Variants in BCL3 observed in about 807,000 individuals in gnomAD.
BCL3 encodes the protein B-cell lymphoma 3 protein.
Under a neutral mutation model 35.7 loss-of-function variants are expected in BCL3, and 15 were observed. That is an observed-to-expected ratio of 0.42 (90% CI 0.28 to 0.65). BCL3 has a LOEUF of 0.65. Among genes scored for constraint, BCL3 ranks in the 30% least tolerant of loss-of-function variants. The probability of loss-of-function intolerance (pLI) is 0.22; values close to 1 mark genes in which losing one functional copy is unlikely to be tolerated. For synonymous variants in BCL3, 311 were observed against 284.3 expected, an observed-to-expected ratio of 1.09 and a Z score of -0.95; for missense variants, 565 against 641.7, an observed-to-expected ratio of 0.88 and a Z score of 1.29.
Position 44,748,757 on chromosome 19 carries a change from C to T in BCL3, c.-34C>T. The stretch of plus-strand genomic sequence containing the variant: ...AACCACCCTCCCGTGCAGCCGAGCC[C>T]AGCCGCTCTCCGGCCGCCGTCCCCG... On this transcript the variant is annotated 5_prime_UTR_variant, in exon 1 of 9. Transcript: ENST00000164227. 5.5e-6 allele frequency: 6 copies of T among 1,091,016 alleles called. No homozygotes were observed. The highest frequency in any genetic ancestry group is 6.7e-6 in the Non-Finnish European group (6 of 898,106). The allele number at this position is 1,091,016 out of a possible 1,614,324, so 67.6% of individuals were successfully genotyped here. A position where few individuals can be genotyped will look rare whatever the true frequency, so the allele number is the denominator to read the frequency against.
chr19:44,749,177 C>T (rs1967127700), intron 1 of BCL3, 131 bp downstream of exon 1: 1 of 374,078 alleles, frequency 2.7e-6, no homozygotes, highest in Middle Eastern at 8.1e-4. Context: ...GATATAAGCC[C>T]AGGTTCCAAG....
rs1967173965 is a variant in BCL3 at position 44,751,280 on chromosome 19, G to C, written c.310G>C (p.Val104Leu). The change falls in exon 2 of 9, where the codon GTG becomes CTG. Residue 104 changes from valine (V) to leucine (L), a missense_variant. This residue lies in a region of BCL3 where 267 missense variants were observed against 281.5 expected (regional missense o/e 0.95). Transcript: ENST00000164227. ...TRAMGSPFPL[V>L]NLPTPLYPMM... ...GGCCATGGGCTCCCCGTTTCCTCTG[G>C]TGAACCTGCCTACACCCCTATACCC... 1 of 1,611,112 alleles carries C rather than the reference G, an allele frequency of 6.2e-7. No homozygotes were observed. Among genetic ancestry groups the C allele is most frequent in the African/African-American group, 1.3e-5 (1 of 74,720 alleles).
At chr19:44,756,527 G>A (rs1361625647) in intron 3 of BCL3, among the ~76,000 whole-genome samples, 187 bp downstream of exon 3, 1 of 141,550 alleles carries the variant, frequency 7.1e-6, no homozygotes, top group East Asian at 2.1e-4. Context: ...CCTGGGATCC[G>A]GGGTCTGATG....
Position 44,759,717 on chromosome 19 carries a change from C to T in BCL3, c.*102C>T, listed in dbSNP as rs1036713493. On this transcript the variant is annotated 3_prime_UTR_variant, in exon 9 of 9. Transcript: ENST00000164227. ...TGAAGATCTCACTCTGCCCCCCCCC[C>T]CCATCTTCGGGACCAGGATTTGCAC... The T allele has an allele frequency of 1.6e-6, 1 of 634,604 alleles. No individual in the cohort carries two copies. Among genetic ancestry groups the T allele is most frequent in the Admixed American group, 3.2e-5 (1 of 30,800 alleles). 39.3% of individuals were successfully genotyped at this position (634,604 alleles called of 1,614,324 possible). A position where few individuals can be genotyped will look rare whatever the true frequency, so the allele number is the denominator to read the frequency against.
At chr19:44,751,865 A>G (rs1165769791) in intron 2 of BCL3, among the ~76,000 whole-genome samples, 1 of 152,240 alleles carries the variant, frequency 6.6e-6, no homozygotes, top group Non-Finnish European at 1.5e-5. Flanking sequence ...GGCCTCCCAA[A>G]GTGCTGGGAT....
chr19:44,756,423 G>T, intron 3 of BCL3, 83 bp downstream of exon 3: 1 of 1,023,396 alleles, frequency 9.8e-7, no homozygotes. Context: ...GAACTCCTGG[G>T]TCTGAGGGAG....
chr19:44,759,340 T>TCCCTCAGACCCCCAGCCCCTCCC, intron 8 of BCL3, 88 bp from the exon 9 acceptor site: 2 of 395,278 alleles, frequency 5.1e-6, no homozygotes, highest in African/African-American at 5.5e-5. Context: ...CAGCCCCTCC[T>TCCCTCAGACCCCCAGCCCCTCCC]CCCTCAGACC....
intron 2 of BCL3, among the ~76,000 whole-genome samples, chr19:44,753,828 C>CGG (rs58964062): frequency 1.6e-3 from 53 of 32,554 alleles, no homozygotes; most frequent in Non-Finnish European, 2.5e-3. Flanking sequence ...AAGGCGGGGG[C>CGG]GGGGGGGGGG....
Position 44,758,518 on chromosome 19 carries a change from G to A in BCL3, c.1059+105G>A, listed in dbSNP as rs932053725. 17 of 1,437,652 alleles carry A rather than the reference G, an allele frequency of 1.2e-5. No homozygotes were observed. The East Asian group carries it at 2.0e-4, about 17-fold the overall frequency. 89.1% of individuals were successfully genotyped at this position (1,437,652 alleles called of 1,614,324 possible). A position where few individuals can be genotyped will look rare whatever the true frequency, so the allele number is the denominator to read the frequency against. On this transcript the variant is annotated intron_variant, in intron 7 of 8. Transcript: ENST00000164227. ...GAGGAGTGAGGGTGTCTGTGCCGTT[G>A]CGTGGAGGGGAGTGGGTGAGCCTCT... is the stretch of plus-strand genomic sequence containing the variant.
At position 44,759,652 on chromosome 19, in the gene BCL3, G is replaced by T. The variant is rs771199744; in HGVS notation, c.*37G>T. The T allele has an allele frequency of 1.3e-6, 2 of 1,528,238 alleles. No individual in the cohort carries two copies. The highest frequency in any genetic ancestry group is 4.6e-5 in the East Asian group (2 of 43,044). The allele number at this position is 1,528,238 out of a possible 1,614,324, so 94.7% of individuals were successfully genotyped here. A position where few individuals can be genotyped will look rare whatever the true frequency, so the allele number is the denominator to read the frequency against. On this transcript the variant is annotated 3_prime_UTR_variant, in exon 9 of 9. Transcript: ENST00000164227. ...GGGCAGATCTTGGACTCATGAGGAG[G>T]GGCCCCCCTGCCCTGTGGGGTCAAC... is the stretch of plus-strand genomic sequence containing the variant.
At position 44,759,828 on chromosome 19, in the gene BCL3, C is replaced by T. The variant is rs1404776865; in HGVS notation, c.*213C>T. On this transcript the variant is annotated 3_prime_UTR_variant, in exon 9 of 9. Transcript: ENST00000164227. ...CTCCCTCCCAGGACTCTGACCCCAG[C>T]ATTCTCAGGCACCAGTCCCTGTCCG... 1 of 476,288 alleles carries T rather than the reference C, an allele frequency of 2.1e-6. No individual in the cohort carries two copies. Among genetic ancestry groups the T allele is most frequent in the Non-Finnish European group, 3.7e-6 (1 of 272,932 alleles). 29.5% of individuals were successfully genotyped at this position (476,288 alleles called of 1,614,324 possible).
In BCL3 at chr19:44,757,497, G is replaced by A. The variant is rs1293271239; in HGVS notation, c.813+82G>A. On this transcript the variant is annotated intron_variant, in intron 5 of 8. Transcript: ENST00000164227. The surrounding 1 kb of genome is among the most constrained non-coding windows in gnomAD (Gnocchi z 8.4). ...GCGGGGGCGGGGCCAGTGTGGGGCT[G>A]GCGTGGGAGAGCACCCGGGTGGGGT... is the stretch of plus-strand genomic sequence containing the variant. The A allele has an allele frequency of 1.5e-5, 23 of 1,492,136 alleles. No homozygotes were observed. The South Asian group carries it at 2.1e-4, about 13-fold the overall frequency. 92.4% of individuals were successfully genotyped at this position (1,492,136 alleles called of 1,614,324 possible).
chr19:44,751,180 G>A (rs1410666432), intron 1 of BCL3, 47 bp from the exon 2 acceptor site: 1 of 1,567,550 alleles, frequency 6.4e-7, no homozygotes, highest in Non-Finnish European at 8.6e-7. Flanking sequence ...TTGAGGGTCT[G>A]TGGGTGTGGC....
chr19:44,753,205 C>T (rs1967214417), intron 2 of BCL3, among the ~76,000 whole-genome samples: 1 of 152,114 alleles, frequency 6.6e-6, no homozygotes, highest in South Asian at 2.1e-4. Flanking sequence ...AGAAAGTGGC[C>T]TAGATTATAA....
intron 2 of BCL3, among the ~76,000 whole-genome samples, chr19:44,754,464 C>G (rs1020134281): frequency 1.3e-5 from 2 of 152,158 alleles, no homozygotes; most frequent in Non-Finnish European, 2.9e-5. Flanking sequence ...ACAGGCTTCC[C>G]TCCCCCGGGA....
chr19:44,748,001 G>C, upstream of BCL3: 2 of 1,335,040 alleles, frequency 1.5e-6, no homozygotes, highest in Non-Finnish European at 2.0e-6. Flanking sequence ...AGATGGAAGA[G>C]GGGAGGGAGA....
At chr19:44,750,697 C>T (rs1277853275) in intron 1 of BCL3, among the ~76,000 whole-genome samples, 1 of 152,090 alleles carries the variant, frequency 6.6e-6, no homozygotes, top group African/African-American at 2.4e-5. Context: ...GCAGGAGAAT[C>T]GCTTGAACCT....
chr19:44,755,774 TG>T (rs1255360886), intron 2 of BCL3, among the ~76,000 whole-genome samples: 3 of 152,102 alleles, frequency 2.0e-5, no homozygotes, highest in Non-Finnish European at 2.9e-5. Flanking sequence ...AAAAGTTAGC[TG>T]GGCGCGATGG....
intron 1 of BCL3, 145 bp from the exon 2 acceptor site, chr19:44,751,082 C>A: frequency 1.9e-6 from 2 of 1,042,242 alleles, no homozygotes; most frequent in Non-Finnish European, 2.7e-6. Flanking sequence ...TGTTTTAGGC[C>A]CTGAGGACCC....
Sources: gnomAD v4.1 joint callset for allele counts (sites outside exome capture counted in the v4.1 genomes callset) on GRCh38, gnomAD v4.1.1 for gene constraint, gnomAD v4.1.1 regional missense constraint, Gnocchi (gnomAD v3.1) non-coding constraint, MANE v1.5 for transcripts, NCBI Gene and HGNC (gene_info 2026-07-23, HGNC 2026-07-21) for gene names.